LRRC4C: variants seen among roughly 807,000 people sequenced by gnomAD.
The protein encoded by LRRC4C is leucine-rich repeat-containing protein 4C.
In LRRC4C, 5 loss-of-function variants were observed where a neutral mutation model predicts 33.6. That is an observed-to-expected ratio of 0.15 (90% CI 0.08 to 0.31). The LOEUF (loss-of-function observed/expected upper bound fraction) is 0.31, where lower values mean the gene tolerates loss of function less well. Among genes scored for constraint, LRRC4C ranks in the 10% least tolerant of loss-of-function variants. The pLI is 1.00. For missense variants in LRRC4C, 560 were observed against 796.7 expected, an observed-to-expected ratio of 0.70 and a Z score of 3.58; for synonymous variants, 329 against 302.0, an observed-to-expected ratio of 1.09 and a Z score of -0.93.
chr11:40,893,192 G>A (rs1285035124), intron 2 of LRRC4C, among the ~76,000 whole-genome samples: 1 of 152,066 alleles, frequency 6.6e-6, no homozygotes, highest in African/African-American at 2.4e-5. Context: ...CATGAAGATA[G>A]GGAGTAGAAT....
At chr11:41,164,637 G>A (rs760525207) in intron 1 of LRRC4C, among the ~76,000 whole-genome samples, 4 of 152,072 alleles carry the variant, frequency 2.6e-5, no homozygotes, top group Non-Finnish European at 5.9e-5. Flanking sequence ...ATGATATTAG[G>A]ACAGCTATGA....
intron 1 of LRRC4C, among the ~76,000 whole-genome samples, chr11:41,438,180 T>C (rs1242914654): frequency 1.3e-5 from 2 of 152,074 alleles, no homozygotes; most frequent in African/African-American, 4.8e-5. Context: ...GCAAATAACA[T>C]GTGGCAGACA....
chr11:40,558,910 A>G lies in LRRC4C; in HGVS notation c.-270+89232T>C, dbSNP rs536821830. On this transcript the variant is annotated intron_variant, in intron 3 of 6. Transcript: ENST00000528697. ...GTCTGTTGTTTCCTTGTTTGTGTTC[A>G]TAAGTTCTTATCATTTAGCTCCGAC... 1.1e-4 allele frequency among the ~76,000 whole-genome samples: 16 copies of G among 152,162 alleles called. 1 individual carries two copies. Among genetic ancestry groups the G allele is most frequent in the African/African-American group, 3.9e-4 (16 of 41,518 alleles).
intron 3 of LRRC4C, among the ~76,000 whole-genome samples, chr11:40,389,755 T>C (rs922259282): frequency 3.3e-5 from 5 of 152,208 alleles, no homozygotes; most frequent in Middle Eastern, 3.2e-3. Context: ...TGTATTTTAC[T>C]ACTATTTTAC....
intron 3 of LRRC4C, among the ~76,000 whole-genome samples, chr11:40,420,834 C>T (rs942060251): frequency 4.6e-5 from 7 of 152,124 alleles, no homozygotes; most frequent in Non-Finnish European, 1.0e-4. Context: ...CATACTACAT[C>T]CTTGGCCAAC....
intron 3 of LRRC4C, among the ~76,000 whole-genome samples, chr11:40,620,022 A>G (rs1011010030): frequency 2.7e-5 from 4 of 145,592 alleles, no homozygotes; most frequent in Non-Finnish European, 6.0e-5. Context: ...GTCTCTTCAG[A>G]TGTGAAAAAT....
At chr11:40,816,477 T>C (rs1401214914) in intron 2 of LRRC4C, among the ~76,000 whole-genome samples, 1 of 152,162 alleles carries the variant, frequency 6.6e-6, no homozygotes, top group Admixed American at 6.6e-5. Context: ...TTTTTTCAAT[T>C]GGAGAGGAAG....
intron 4 of LRRC4C, among the ~76,000 whole-genome samples, chr11:40,252,448 T>G (rs1866863666): frequency 6.6e-6 from 1 of 152,092 alleles, no homozygotes; most frequent in African/African-American, 2.4e-5. Flanking sequence ...TTACCACATA[T>G]TTTATAGTTC....
chr11:40,656,964 TCTC>T (rs1222734353), intron 2 of LRRC4C, among the ~76,000 whole-genome samples: 5 of 152,290 alleles, frequency 3.3e-5, no homozygotes, highest in African/African-American at 1.2e-4. Flanking sequence ...TTTGGCACAA[TCTC>T]CTGCTTTTGT....
At chr11:40,207,764 T>G (rs550181314) in intron 5 of LRRC4C, among the ~76,000 whole-genome samples, 1 of 152,350 alleles carries the variant, frequency 6.6e-6, no homozygotes, top group Non-Finnish European at 1.5e-5. Context: ...TCATCTTAGG[T>G]TAATTAATGA....
At chr11:40,684,732 G>A (rs1448582218) in intron 2 of LRRC4C, among the ~76,000 whole-genome samples, 1 of 151,628 alleles carries the variant, frequency 6.6e-6, no homozygotes, top group African/African-American at 2.4e-5. Context: ...AATCAGAGAG[G>A]AAAAAATATA....
At position 40,124,073 on chromosome 11, in the gene LRRC4C, TG is replaced by T. The variant is rs1475081206; in HGVS notation, c.-42-7740del. Among the ~76,000 whole-genome samples, 9 of 151,872 alleles carry T rather than the reference TG, an allele frequency of 5.9e-5. No homozygotes were observed. The Middle Eastern group carries it at 0.01, about 172-fold the overall frequency. ...AAAACTAGACCTCTATCTCTGGTCG[TG>T]TAAAAAAATCAAAATGGATTAAAGA... On this transcript the variant is annotated intron_variant, in intron 6 of 6. Transcript: ENST00000528697.
At chr11:40,134,184 G>C (rs1157107878) in intron 6 of LRRC4C, among the ~76,000 whole-genome samples, 1 of 152,086 alleles carries the variant, frequency 6.6e-6, no homozygotes, top group Non-Finnish European at 1.5e-5. Flanking sequence ...TTGAGCCCAG[G>C]AATCTGAGCC....
chr11:40,263,950 C>T (rs1942055342), intron 4 of LRRC4C, among the ~76,000 whole-genome samples: 1 of 152,166 alleles, frequency 6.6e-6, no homozygotes, highest in Admixed American at 6.5e-5. Flanking sequence ...AGAAGTTTAT[C>T]CTTCCGCGCC....
chr11:40,658,772 C>T (rs960616254), intron 2 of LRRC4C, among the ~76,000 whole-genome samples: 2 of 152,114 alleles, frequency 1.3e-5, no homozygotes, highest in African/African-American at 4.8e-5. Flanking sequence ...TGTCAGAAGC[C>T]CTAGGTATAG....
At chr11:40,812,137 T>G (rs534065516) in intron 2 of LRRC4C, among the ~76,000 whole-genome samples, 1 of 152,330 alleles carries the variant, frequency 6.6e-6, no homozygotes, top group South Asian at 2.1e-4. Context: ...CTCCCAAAGA[T>G]TATTAAATTC....
chr11:40,426,066 T>C (rs192770187), intron 3 of LRRC4C, among the ~76,000 whole-genome samples: 55 of 148,820 alleles, frequency 3.7e-4, no homozygotes, highest in African/African-American at 1.3e-3. Context: ...CAGACTGGAG[T>C]GCAGTGGCGC....
At chr11:40,778,736 A>G (rs80123584) in intron 2 of LRRC4C, among the ~76,000 whole-genome samples, 103 of 152,282 alleles carry the variant, frequency 6.8e-4, no homozygotes, top group African/African-American at 2.4e-3. Context: ...GCAGTTGGGT[A>G]AATGTGTGGC....
At chr11:40,752,066 G>A (rs1948715130) in intron 2 of LRRC4C, among the ~76,000 whole-genome samples, 4 of 152,032 alleles carry the variant, frequency 2.6e-5, no homozygotes, top group Admixed American at 2.6e-4. Flanking sequence ...GAAAGAAACT[G>A]GGCTCCTATC....
Sources: gnomAD v4.1 joint callset for allele counts (sites outside exome capture counted in the v4.1 genomes callset) on GRCh38, gnomAD v4.1.1 for gene constraint, MANE v1.5 for transcripts, NCBI Gene and HGNC (gene_info 2026-07-23, HGNC 2026-07-21) for gene names.